Variants in CTNNA3 observed in about 807,000 individuals in gnomAD.
CTNNA3 encodes catenin alpha 3.
A neutral mutation model predicts 95.7 loss-of-function variants in CTNNA3; 76 were observed. The observed-to-expected ratio is 0.79, with a 90% CI of 0.66 to 0.96. The LOEUF (loss-of-function observed/expected upper bound fraction) is 0.96, where lower values mean the gene tolerates loss of function less well. CTNNA3 is among the 40% of genes least tolerant of loss of function. The probability of loss-of-function intolerance (pLI) is 0.00; values close to 1 mark genes in which losing one functional copy is unlikely to be tolerated. For missense variants in CTNNA3, 1,191 were observed against 1,089.8 expected, an observed-to-expected ratio of 1.09 and a Z score of -1.31; for synonymous variants, 431 against 374.4, an observed-to-expected ratio of 1.15 and a Z score of -1.74.
In CTNNA3 at chr10:67,704,276, C is replaced by A. The variant is rs570481873; in HGVS notation, c.-1-56762G>T. Reference sequence around the variant, plus strand: ...TTCTTCACAGAATTGTAAAAAACTGCTTTAAAGTTTGTATGGAACCAAAAA... The same window carrying A: ...TTCTTCACAGAATTGTAAAAAACTGATTTAAAGTTTGTATGGAACCAAAAA... On this transcript the variant is annotated intron_variant, in intron 1 of 17. Coordinates refer to the CTNNA3 transcript ENST00000684154. 2.6e-5 allele frequency among the ~76,000 whole-genome samples: 4 copies of A among 152,280 alleles called. No homozygotes were observed. In the East Asian group the frequency reaches 5.8e-4, roughly 22 times the overall value.
intron 5 of CTNNA3, among the ~76,000 whole-genome samples, chr10:67,374,026 G>T (rs1843594155): frequency 6.6e-6 from 1 of 152,120 alleles, no homozygotes. Flanking sequence ...TAGAACTTTT[G>T]TAAAACTTAT....
At chr10:66,481,573 G>A (rs564079613) in intron 11 of CTNNA3, among the ~76,000 whole-genome samples, 14 of 127,890 alleles carry the variant, frequency 1.1e-4, no homozygotes, top group South Asian at 5.2e-4. Flanking sequence ...CCGGGTTCAC[G>A]CCATTCTCCT....
chr10:66,465,334 A>C (rs1838868800), intron 11 of CTNNA3, among the ~76,000 whole-genome samples: 1 of 152,144 alleles, frequency 6.6e-6, no homozygotes, highest in Non-Finnish European at 1.5e-5. Flanking sequence ...GTTGGTTATA[A>C]AATTTTCAAA....
intron 17 of CTNNA3, among the ~76,000 whole-genome samples, chr10:65,949,791 A>G (rs1222459568): frequency 6.6e-6 from 1 of 152,126 alleles, no homozygotes; most frequent in South Asian, 2.1e-4. Context: ...CCACTCATAC[A>G]TAGTGACTCC....
At chr10:66,492,791 C>T (rs1383241886) in intron 11 of CTNNA3, among the ~76,000 whole-genome samples, 1 of 152,126 alleles carries the variant, frequency 6.6e-6, no homozygotes, top group South Asian at 2.1e-4. Context: ...TACTATACCA[C>T]CAATTGGGCT....
chr10:67,517,699 AACTGCC>A (rs1439601591), intron 5 of CTNNA3, among the ~76,000 whole-genome samples: 1 of 152,172 alleles, frequency 6.6e-6, no homozygotes, highest in Non-Finnish European at 1.5e-5. Context: ...TCAGTACTTT[AACTGCC>A]CATCAAGAGA....
chr10:66,298,147 T>C (rs923373118), intron 12 of CTNNA3, among the ~76,000 whole-genome samples: 1 of 152,162 alleles, frequency 6.6e-6, no homozygotes, highest in Admixed American at 6.5e-5. Flanking sequence ...GCCTCTAAAA[T>C]GTGTTAGAGT....
intron 13 of CTNNA3, among the ~76,000 whole-genome samples, chr10:66,137,043 A>G (rs2083392537): frequency 6.6e-6 from 1 of 152,048 alleles, no homozygotes; most frequent in Non-Finnish European, 1.5e-5. Context: ...GCTGTTCTCA[A>G]ACTCCTAACC....
chr10:67,221,122 A>T (rs1864631990), intron 5 of CTNNA3, among the ~76,000 whole-genome samples: 1 of 152,176 alleles, frequency 6.6e-6, no homozygotes, highest in Admixed American at 6.5e-5. Context: ...TTCATGAAAA[A>T]CTGCTGAAAT....
At chr10:67,125,195 A>G (rs1859662859) in intron 7 of CTNNA3, among the ~76,000 whole-genome samples, 1 of 152,208 alleles carries the variant, frequency 6.6e-6, no homozygotes, top group Non-Finnish European at 1.5e-5. Context: ...TAGAATATGT[A>G]AGGAAACCAA....
intron 7 of CTNNA3, among the ~76,000 whole-genome samples, chr10:67,129,135 T>G (rs890895034): frequency 6.6e-6 from 1 of 152,200 alleles, no homozygotes; most frequent in African/African-American, 2.4e-5. Context: ...GGGAAGGGAC[T>G]GTGACATTTT....
chr10:66,484,413 T>C (rs1343126972), intron 11 of CTNNA3, among the ~76,000 whole-genome samples: 1 of 152,020 alleles, frequency 6.6e-6, no homozygotes, highest in East Asian at 1.9e-4. Flanking sequence ...TTTTTTATTT[T>C]ATATATTTGA....
At chr10:67,348,101 A>G (rs1842501527) in intron 5 of CTNNA3, among the ~76,000 whole-genome samples, 2 of 152,194 alleles carry the variant, frequency 1.3e-5, no homozygotes, top group South Asian at 2.1e-4. Context: ...TCATATCCAT[A>G]TGCAAAAACA....
chr10:66,535,735 G>A (rs1347931595), intron 10 of CTNNA3, among the ~76,000 whole-genome samples: 1 of 152,098 alleles, frequency 6.6e-6, no homozygotes, highest in Non-Finnish European at 1.5e-5. Flanking sequence ...GGAGAAGTCT[G>A]TATTTCTCCA....
rs376506125 is a variant in CTNNA3, at chr10:67,324,863, C to A, written c.580-104993G>T. Reference sequence around the variant, plus strand: ...GTGGTAGAATTCAGCTATGAATCCACCTGGTTCTTGGCTTTTTTGATTGAT... The same window carrying A: ...GTGGTAGAATTCAGCTATGAATCCAACTGGTTCTTGGCTTTTTTGATTGAT... On this transcript the variant is annotated intron_variant, in intron 5 of 17. Transcript: ENST00000433211. Among the ~76,000 whole-genome samples, 4 of 151,974 alleles carry A rather than the reference C, an allele frequency of 2.6e-5. No individual in the cohort carries two copies. The South Asian group carries it at 8.3e-4, about 32-fold the overall frequency.
At chr10:67,678,563 G>C (rs150281233) in intron 1 of CTNNA3, among the ~76,000 whole-genome samples, 1 of 152,102 alleles carries the variant, frequency 6.6e-6, no homozygotes, top group African/African-American at 2.4e-5. Flanking sequence ...GGGGAAAATT[G>C]AACATATCAC....
intron 1 of CTNNA3, among the ~76,000 whole-genome samples, chr10:67,703,021 T>C (rs150882653): frequency 0.01 from 1,552 of 151,762 alleles, 27 homozygotes; most frequent in African/African-American, 0.036. Context: ...AACTAGAAAA[T>C]CTAGAAGAAA....
At chr10:67,715,060 A>G (rs1841135073) in intron 1 of CTNNA3, among the ~76,000 whole-genome samples, 1 of 152,192 alleles carries the variant, frequency 6.6e-6, no homozygotes, top group South Asian at 2.1e-4. Context: ...CCTGAGCACA[A>G]TTGAGAGAGC....
chr10:66,001,743 A>AT (rs2078773574), intron 15 of CTNNA3, among the ~76,000 whole-genome samples: 2 of 151,918 alleles, frequency 1.3e-5, no homozygotes, highest in Admixed American at 6.6e-5. Context: ...TTATTTACTT[A>AT]TTTTTTACTG....
Sources: gnomAD v4.1 joint callset for allele counts (sites outside exome capture counted in the v4.1 genomes callset) on GRCh38, gnomAD v4.1.1 for gene constraint, MANE v1.5 for transcripts, NCBI Gene and HGNC (gene_info 2026-07-23, HGNC 2026-07-21) for gene names.